Variants in DNAJC24 observed in about 807,000 individuals in gnomAD.
The protein encoded by DNAJC24 is dnaJ homolog subfamily C member 24.
Under a neutral mutation model 18.0 loss-of-function variants are expected in DNAJC24, and 17 were observed. The ratio of observed to expected loss-of-function variants is 0.94; its 90% CI spans 0.65 to 1.42. The LOEUF (loss-of-function observed/expected upper bound fraction) is 1.42. Among genes scored for constraint, DNAJC24 ranks in the 40% most tolerant of loss-of-function variants. DNAJC24 has a pLI of 0.00. For synonymous variants in DNAJC24, 55 were observed against 57.7 expected (o/e 0.95, Z 0.21); for missense variants, 158 against 175.6 (o/e 0.90, Z 0.57).
In DNAJC24 at chr11:31,372,936, C is replaced by T. The variant is rs374723686; in HGVS notation, c.111+2077C>T. On this transcript the variant is annotated intron_variant, in intron 2 of 4. Coordinates refer to ENST00000465995, the MANE Select transcript of DNAJC24 (RefSeq NM_181706.5). ...ACATCCCATGAGAATCACTGGACTA[C>T]TCTACAGTGTCTGGTCATACCCCAT... Among the ~76,000 whole-genome samples the T allele has an allele frequency of 1.6e-3, 216 of 135,174 alleles. 51 individuals are homozygous for T. The highest frequency in any genetic ancestry group is 3.3e-3 in the Non-Finnish European group (191 of 58,484). The allele number at this position is 135,174 out of a possible 152,430, so 88.7% of individuals were successfully genotyped here.
chr11:31,391,779 A>G, intron 2 of DNAJC24, among the ~76,000 whole-genome samples: 1 of 152,210 alleles, frequency 6.6e-6, no homozygotes, highest in Non-Finnish European at 1.5e-5. Flanking sequence ...GGAAATTAGT[A>G]TATCAAAGAG....
chr11:31,403,185 T>G (rs1442300848), intron 2 of DNAJC24, among the ~76,000 whole-genome samples: 2 of 151,092 alleles, frequency 1.3e-5, no homozygotes, highest in Non-Finnish European at 2.9e-5. Context: ...TGAAGAAAAA[T>G]GTTGGGGAAT....
chr11:31,377,968 T>C (rs1232272930), intron 2 of DNAJC24, among the ~76,000 whole-genome samples: 2 of 152,100 alleles, frequency 1.3e-5, no homozygotes, highest in African/African-American at 4.8e-5. Flanking sequence ...AGGGTCTCAT[T>C]TGATTAGAAA....
chr11:31,370,432 G>T (rs1391193748), intron 1 of DNAJC24, among the ~76,000 whole-genome samples: 3 of 151,888 alleles, frequency 2.0e-5, no homozygotes, highest in Admixed American at 2.0e-4. Context: ...CTTCTTAGAG[G>T]TTCATACACC....
intron 3 of DNAJC24, among the ~76,000 whole-genome samples, chr11:31,425,980 A>G (rs7125445): frequency 0.27 from 40,797 of 152,100 alleles, 5,728 homozygotes; most frequent in African/African-American, 0.34. Flanking sequence ...ACTGCTTACA[A>G]AATAGAAGTC....
At chr11:31,409,059 G>C (rs1328464645) in intron 2 of DNAJC24, among the ~76,000 whole-genome samples, 2 of 152,160 alleles carry the variant, frequency 1.3e-5, no homozygotes, top group Non-Finnish European at 2.9e-5. Flanking sequence ...GTGCTTGAAA[G>C]TAATAAAACA....
intron 2 of DNAJC24, among the ~76,000 whole-genome samples, chr11:31,377,145 TATTACATG>T (rs1409117065): frequency 2.0e-5 from 3 of 152,166 alleles, no homozygotes; most frequent in African/African-American, 7.2e-5. Context: ...AAGGCACACG[TATTACATG>T]TAATTTTCTA....
At chr11:31,377,900 CTTG>C (rs1337190306) in intron 2 of DNAJC24, among the ~76,000 whole-genome samples, 2 of 151,964 alleles carry the variant, frequency 1.3e-5, no homozygotes, top group African/African-American at 2.4e-5. Flanking sequence ...GCAGGATGGT[CTTG>C]TTGTTAATGT....
chr11:31,430,609 C>CA lies in DNAJC24; in HGVS notation c.*213dup, dbSNP rs1952913348. On this transcript the variant is annotated 3_prime_UTR_variant, in exon 5 of 5. Coordinates refer to ENST00000465995, the MANE Select transcript of DNAJC24 (RefSeq NM_181706.5). ...TATAATTTATATTTACAAGTTGTCACAAAAATAGATTTGATTATATTTGGT... is the reference window on the plus strand; with the variant it reads ...TATAATTTATATTTACAAGTTGTCACAAAAAATAGATTTGATTATATTTGGT... The CA allele has an allele frequency of 4.0e-6, 1 of 250,656 alleles. No individual in the cohort carries two copies. The highest frequency in any genetic ancestry group is 8.1e-5 in the East Asian group (1 of 12,302). The allele number at this position is 250,656 out of a possible 1,614,324, so 15.5% of individuals were successfully genotyped here. A position where few individuals can be genotyped will look rare whatever the true frequency, so the allele number is the denominator to read the frequency against.
chr11:31,379,778 G>A (rs1191270342), intron 2 of DNAJC24, among the ~76,000 whole-genome samples: 1 of 150,370 alleles, frequency 6.7e-6, no homozygotes, highest in Non-Finnish European at 1.5e-5. Flanking sequence ...TTTCTTTTGA[G>A]ACAGAGTCTC....
In DNAJC24 at chr11:31,431,379, G is replaced by A. The variant is rs1952922301; in HGVS notation, c.*978G>A. ...TTGGCTAGGCTGGTCTTGAACTCCT[G>A]GCCTCAAATGATCCGCCCACCTCAA... On this transcript the variant is annotated 3_prime_UTR_variant, in exon 5 of 5. Transcript: ENST00000465995. 6.6e-6 allele frequency: 1 copy of A among 151,500 alleles called. No homozygotes were observed. The highest frequency in any genetic ancestry group is 1.5e-5 in the Non-Finnish European group (1 of 67,868). The allele number at this position is 151,500 out of a possible 1,614,324, so 9.4% of individuals were successfully genotyped here.
chr11:31,407,702 A>ATAT (rs1406244844), intron 2 of DNAJC24, among the ~76,000 whole-genome samples: 1,170 of 108,412 alleles, frequency 0.011, 3 homozygotes, highest in African/African-American at 0.031. Context: ...AAAAAAAAAA[A>ATAT]AAAAATATAT....
rs1952926514 is a variant in DNAJC24, at chr11:31,431,804, ACT to A, written c.*1406_*1407del. On this transcript the variant is annotated 3_prime_UTR_variant, in exon 5 of 5. Transcript: ENST00000465995. Reference sequence around the variant, plus strand: ...TGCAGCCTGGGCTACAGAGAGCAAGACTCTGTCTCAAAAAAAATAAAATAAAA... The same window carrying A: ...TGCAGCCTGGGCTACAGAGAGCAAGACTGTCTCAAAAAAAATAAAATAAAA... 6.6e-6 allele frequency: 1 copy of A among 151,630 alleles called. No homozygotes were observed. The highest frequency in any genetic ancestry group is 1.5e-5 in the Non-Finnish European group (1 of 67,926). 9.4% of individuals were successfully genotyped at this position (151,630 alleles called of 1,614,324 possible).
At chr11:31,389,416 T>C (rs905812092) in intron 2 of DNAJC24, among the ~76,000 whole-genome samples, 2 of 152,104 alleles carry the variant, frequency 1.3e-5, no homozygotes, top group African/African-American at 4.8e-5. Context: ...AGAGACAAGG[T>C]CATATAGTGA....
intron 2 of DNAJC24, among the ~76,000 whole-genome samples, chr11:31,382,224 A>G (rs1952384150): frequency 1.3e-5 from 2 of 152,198 alleles, no homozygotes; most frequent in Admixed American, 1.3e-4. Flanking sequence ...ATTAAAAGTC[A>G]TGGCTTTGGG....
intron 2 of DNAJC24, among the ~76,000 whole-genome samples, chr11:31,378,242 A>T (rs1952337683): frequency 6.6e-6 from 1 of 152,146 alleles, no homozygotes; most frequent in African/African-American, 2.4e-5. Context: ...TGGAAGATAT[A>T]ACTTGTCTTG....
chr11:31,370,502 A>G (rs1057144188), intron 1 of DNAJC24, among the ~76,000 whole-genome samples: 4 of 152,092 alleles, frequency 2.6e-5, no homozygotes, highest in South Asian at 2.1e-4. Flanking sequence ...GTATAAATAT[A>G]TATCGTGAAA....
intron 2 of DNAJC24, chr11:31,408,108 AG>A: frequency 2.2e-6 from 1 of 456,234 alleles, no homozygotes; most frequent in South Asian, 1.5e-5. Flanking sequence ...GTGGTGTTAC[AG>A]GTTATTGGAT....
intron 4 of DNAJC24, 28 bp from the exon 5 acceptor site, chr11:31,430,243 T>G (rs1192975900): frequency 1.3e-6 from 2 of 1,593,094 alleles, no homozygotes; most frequent in South Asian, 2.3e-5. Context: ...TACAAGTCTT[T>G]GAAAGATTAT....
Sources: gnomAD v4.1 joint callset for allele counts (sites outside exome capture counted in the v4.1 genomes callset) on GRCh38, gnomAD v4.1.1 for gene constraint, MANE v1.5 for transcripts, NCBI Gene and HGNC (gene_info 2026-07-23, HGNC 2026-07-21) for gene names.